Variants in LRMDA observed in about 807,000 individuals in gnomAD.
The protein encoded by LRMDA is leucine rich melanocyte differentiation associated.
Under a neutral mutation model 29.8 loss-of-function variants are expected in LRMDA, and 18 were observed. The observed-to-expected ratio is 0.60, with a 90% CI of 0.42 to 0.90. The LOEUF is 0.90. LRMDA is among the 40% of genes least tolerant of loss of function. The probability of loss-of-function intolerance (pLI) is 0.00; values close to 1 mark genes in which losing one functional copy is unlikely to be tolerated. For synonymous variants in LRMDA, 125 were observed against 109.4 expected, an observed-to-expected ratio of 1.14 and a Z score of -0.89; for missense variants, 273 against 273.9, an observed-to-expected ratio of 1.00 and a Z score of 0.02.
At chr10:75,759,163 C>T (rs780709645) in intron 2 of LRMDA, among the ~76,000 whole-genome samples, 76 of 152,154 alleles carry the variant, frequency 5.0e-4, no homozygotes, top group African/African-American at 1.1e-3. Context: ...AAATTCCGTA[C>T]ATGGATACAA....
intron 6 of LRMDA, among the ~76,000 whole-genome samples, chr10:76,389,177 G>A (rs1445242896): frequency 6.6e-6 from 1 of 152,192 alleles, no homozygotes; most frequent in Non-Finnish European, 1.5e-5. Context: ...ATGGGAAAAT[G>A]CCTCATGAAG....
chr10:76,386,065 C>A (rs1420585860), intron 6 of LRMDA, among the ~76,000 whole-genome samples: 1 of 152,090 alleles, frequency 6.6e-6, no homozygotes, highest in Non-Finnish European at 1.5e-5. Context: ...GGGAGAAATT[C>A]TTTCAGTGTT....
At chr10:76,077,544 T>C (rs923892969) in intron 5 of LRMDA, among the ~76,000 whole-genome samples, 1 of 152,102 alleles carries the variant, frequency 6.6e-6, no homozygotes, top group African/African-American at 2.4e-5. Context: ...ATCAGGGACA[T>C]GGTCATGCTA....
intron 2 of LRMDA, among the ~76,000 whole-genome samples, chr10:76,006,466 A>G (rs1364451754): frequency 1.3e-5 from 2 of 152,080 alleles, no homozygotes; most frequent in East Asian, 3.9e-4. Flanking sequence ...AAGTAAACTA[A>G]CTATTCTGTT....
At chr10:75,822,394 G>A (rs1011823650) in intron 2 of LRMDA, among the ~76,000 whole-genome samples, 1 of 151,954 alleles carries the variant, frequency 6.6e-6, no homozygotes, top group Admixed American at 6.6e-5. Context: ...ACTGCCCAAA[G>A]CAATCTATAG....
intron 5 of LRMDA, among the ~76,000 whole-genome samples, chr10:76,275,980 C>G (rs541850147): frequency 6.6e-6 from 1 of 152,156 alleles, no homozygotes; most frequent in African/African-American, 2.4e-5. Flanking sequence ...CCGTTATCTT[C>G]ATTCTGTTAT....
chr10:75,453,151 A>G (rs1414327360), intron 2 of LRMDA, among the ~76,000 whole-genome samples: 1 of 152,202 alleles, frequency 6.6e-6, no homozygotes, highest in African/African-American at 2.4e-5. Flanking sequence ...TAAATTTCAG[A>G]TATTATTGTA....
At chr10:76,297,022 G>A (rs890605677) in intron 5 of LRMDA, among the ~76,000 whole-genome samples, 1 of 152,194 alleles carries the variant, frequency 6.6e-6, no homozygotes, top group African/African-American at 2.4e-5. Flanking sequence ...CTGGAGCTCT[G>A]AGCTCTCAGT....
intron 5 of LRMDA, among the ~76,000 whole-genome samples, chr10:76,315,240 G>A (rs570339970): frequency 2.2e-4 from 33 of 152,360 alleles, no homozygotes; most frequent in African/African-American, 7.2e-4. Context: ...TCGAAGATTA[G>A]CTTCAGTGGG....
At chr10:76,031,408 C>G (rs1404765806) in intron 2 of LRMDA, among the ~76,000 whole-genome samples, 1 of 152,190 alleles carries the variant, frequency 6.6e-6, no homozygotes, top group African/African-American at 2.4e-5. Flanking sequence ...TTGCCACTGG[C>G]CAGTGTGCTG....
intron 2 of LRMDA, among the ~76,000 whole-genome samples, chr10:75,641,999 AGCAAACATGGG>A (rs1170221665): frequency 6.6e-6 from 1 of 152,234 alleles, no homozygotes; most frequent in East Asian, 1.9e-4. Flanking sequence ...CTCCTCACAT[AGCAAACATGGG>A]GTGGATGATA....
chr10:76,193,593 G>A (rs1239659056), intron 5 of LRMDA, among the ~76,000 whole-genome samples: 2 of 152,134 alleles, frequency 1.3e-5, no homozygotes, highest in African/African-American at 4.8e-5. Flanking sequence ...TCTGGGAAGA[G>A]AAGAAGCTAA....
At chr10:76,007,266 G>A (rs894322600) in intron 2 of LRMDA, among the ~76,000 whole-genome samples, 2 of 150,634 alleles carry the variant, frequency 1.3e-5, no homozygotes, top group African/African-American at 4.9e-5. Context: ...GCCCCTCTCT[G>A]CCCACCCTCC....
At chr10:75,644,689 C>T (rs943457231) in intron 2 of LRMDA, among the ~76,000 whole-genome samples, 5 of 152,182 alleles carry the variant, frequency 3.3e-5, no homozygotes, top group Admixed American at 1.3e-4. Flanking sequence ...AGCTCATCCC[C>T]GAAAAGCCTG....
intron 2 of LRMDA, among the ~76,000 whole-genome samples, chr10:75,981,379 G>T (rs1268669432): frequency 1.3e-5 from 2 of 152,218 alleles, no homozygotes; most frequent in Admixed American, 6.5e-5. Context: ...CACTGCAGAG[G>T]TTGAGCAGAC....
chr10:76,070,957 C>T (rs775136931), intron 5 of LRMDA, among the ~76,000 whole-genome samples: 4 of 152,046 alleles, frequency 2.6e-5, no homozygotes, highest in Non-Finnish European at 5.9e-5. Context: ...ACTGATGGAG[C>T]CAGGAGCATG....
intron 2 of LRMDA, among the ~76,000 whole-genome samples, chr10:75,461,556 T>C (rs533491483): frequency 1.3e-5 from 2 of 152,278 alleles, no homozygotes; most frequent in Non-Finnish European, 2.9e-5. Flanking sequence ...ATTGGATTCT[T>C]CCTCCATCTC....
At chr10:75,931,031 C>G (rs972907663) in intron 2 of LRMDA, among the ~76,000 whole-genome samples, 2 of 152,182 alleles carry the variant, frequency 1.3e-5, no homozygotes, top group Admixed American at 6.5e-5. Context: ...CCAACTGAAA[C>G]CCCAAGGCAT....
chr10:75,952,705 C>T (rs1846597045), intron 2 of LRMDA, among the ~76,000 whole-genome samples: 1 of 152,132 alleles, frequency 6.6e-6, no homozygotes, highest in African/African-American at 2.4e-5. Context: ...TCCTTTCCTC[C>T]TTATATGTAG....
Sources: gnomAD v4.1 joint callset for allele counts (sites outside exome capture counted in the v4.1 genomes callset) on GRCh38, gnomAD v4.1.1 for gene constraint, MANE v1.5 for transcripts, NCBI Gene and HGNC (gene_info 2026-07-23, HGNC 2026-07-21) for gene names.